DDX60L: variants seen among roughly 807,000 people sequenced by gnomAD.
The protein encoded by DDX60L is DExD/H-box 60 like.
Under a neutral mutation model 211.6 loss-of-function variants are expected in DDX60L, and 191 were observed. The ratio of observed to expected loss-of-function variants is 0.90; its 90% CI spans 0.80 to 1.02. The LOEUF (loss-of-function observed/expected upper bound fraction) is 1.02. Ranked by LOEUF, DDX60L falls within the 50% of genes least tolerant of loss-of-function variation. DDX60L has a pLI of 0.00. For missense variants in DDX60L, 2,007 were observed against 1,984.1 expected, an observed-to-expected ratio of 1.01 and a Z score of -0.22; for synonymous variants, 706 against 694.1, an observed-to-expected ratio of 1.02 and a Z score of -0.27.
chr4:168,364,215 A>T (rs1277399667), intron 36 of DDX60L, among the ~76,000 whole-genome samples: 1 of 152,236 alleles, frequency 6.6e-6, no homozygotes, highest in Admixed American at 6.5e-5. Context: ...AGGAAGGGAC[A>T]AAGATATCCC....
chr4:168,471,706 G>T, intron 4 of DDX60L, 41 bp downstream of exon 4: 2 of 1,480,066 alleles, frequency 1.4e-6, no homozygotes, highest in Non-Finnish European at 1.8e-6. Context: ...TTCAGTTATA[G>T]TCTTCAAAGG....
chr4:168,423,984 A>C (rs907120795), intron 14 of DDX60L, among the ~76,000 whole-genome samples: 3 of 152,244 alleles, frequency 2.0e-5, no homozygotes, highest in African/African-American at 7.2e-5. Flanking sequence ...TATCATCTTA[A>C]GTAACTTAGA....
intron 26 of DDX60L, among the ~76,000 whole-genome samples, chr4:168,396,459 C>G (rs577211165): frequency 6.6e-6 from 1 of 152,008 alleles, no homozygotes; most frequent in Non-Finnish European, 1.5e-5. Flanking sequence ...GCAAAGGGGG[C>G]GGGGTGTGTG....
At chr4:168,377,157 G>T (rs1237391645) in intron 33 of DDX60L, among the ~76,000 whole-genome samples, 1 of 152,038 alleles carries the variant, frequency 6.6e-6, no homozygotes, top group Non-Finnish European at 1.5e-5. Flanking sequence ...GCCAAGCGTG[G>T]TGGCGAAGCC....
At chr4:168,457,857 C>T in intron 6 of DDX60L, 35 bp downstream of exon 6, 2 of 1,348,786 alleles carry the variant, frequency 1.5e-6, no homozygotes, top group Non-Finnish European at 2.0e-6. Flanking sequence ...CAAATTCTAT[C>T]AAACTTTTAT....
rs1457835748 is a variant in DDX60L at position 168,420,256 on chromosome 4, C to G, written c.2514+5G>C. 3 of 1,576,774 alleles carry G rather than the reference C, an allele frequency of 1.9e-6. No homozygotes were observed. Among genetic ancestry groups the G allele is most frequent in the African/African-American group, 2.7e-5 (2 of 72,898 alleles). ...ATAATAAACTCATTAATTAATATGT[C>G]ATACCTGACAGTTTAGTACATTGTG... On this transcript the variant is annotated splice_donor_5th_base_variant and intron_variant, in intron 18 of 37. Coordinates refer to ENST00000682922, the MANE Select transcript of DDX60L (RefSeq NM_001012967.3).
chr4:168,441,473 T>C lies in DDX60L; in HGVS notation c.1158A>G (p.Gly386=), dbSNP rs1396309454. 1 of 1,599,914 alleles carries C rather than the reference T, an allele frequency of 6.3e-7. No individual in the cohort carries two copies. The highest frequency in any genetic ancestry group is 1.8e-5 in the Admixed American group (1 of 56,614). ...CTTCATAATCCCTCCTAATGGAATC[T>C]CCCAAATTCAAATGTGGTTCTGCAT... ...ESTQEPHLNL[G]DSIRRDYEDL... The change falls in exon 10 of 38, where the codon GGA becomes GGG. Residue 386 remains glycine, a synonymous_variant. Transcript: ENST00000682922.
chr4:168,397,816 G>T (rs1001219974), intron 26 of DDX60L, among the ~76,000 whole-genome samples: 1 of 152,188 alleles, frequency 6.6e-6, no homozygotes, highest in South Asian at 2.1e-4. Context: ...AGCAGAAGCT[G>T]GGAACAGGTG....
At position 168,390,970 on chromosome 4, in the gene DDX60L, T is replaced by A. The variant is rs1017169879; in HGVS notation, c.3915+570A>T. ...ACTAAAATGATAACAAAAACCTTTT[T>A]AAAAAAAAAGCATACTCCCAAGAAG... On this transcript the variant is annotated intron_variant, in intron 29 of 37. Coordinates refer to ENST00000682922, the MANE Select transcript of DDX60L (RefSeq NM_001012967.3). Among the ~76,000 whole-genome samples the A allele has an allele frequency of 2.0e-3, 309 of 150,954 alleles. 2 individuals are homozygous for A. The highest frequency in any genetic ancestry group is 7.2e-3 in the African/African-American group (296 of 41,130).
At position 168,415,768 on chromosome 4, in the gene DDX60L, G is replaced by T. The variant is rs970544602; in HGVS notation, c.2758C>A (p.Gln920Lys). The T allele has an allele frequency of 1.9e-6, 3 of 1,581,446 alleles. No homozygotes were observed. The East Asian group carries it at 6.9e-5, about 37-fold the overall frequency. Residue 920 changes from glutamine to lysine, a missense_variant, in exon 21 of 38, where the codon CAG becomes AAG. By Grantham distance (53) the Gln-to-Lys change is moderately conservative. Coordinates refer to ENST00000682922, the MANE Select transcript of DDX60L (RefSeq NM_001012967.3). ...WLQSVKQYWKQADKIMEEKCI... is the reference protein window; with the variant it reads ...WLQSVKQYWKKADKIMEEKCI... ...TTCTCTTCCATAATCTTGTCTGCCT[G>T]TTTCCAGTACTGTTTTACTGATTGC...
At chr4:168,426,416 T>C (rs148018000) in intron 14 of DDX60L, among the ~76,000 whole-genome samples, 2,110 of 149,912 alleles carry the variant, frequency 0.014, 26 homozygotes, top group Middle Eastern at 0.027. Flanking sequence ...ACAAAGTAGG[T>C]TGATGTCACA....
Position 168,456,133 on chromosome 4 carries a change from A to G in DDX60L, c.743T>C (p.Leu248Pro). The G allele has an allele frequency of 6.3e-7, 1 of 1,580,772 alleles. No individual in the cohort carries two copies. The highest frequency in any genetic ancestry group is 8.6e-7 in the Non-Finnish European group (1 of 1,167,058). Residue 248 changes from leucine (L) to proline (P), a missense_variant, in exon 7 of 38, where the codon CTG becomes CCG. Physicochemically the swap from Leu to Pro is moderately conservative, Grantham distance 98. Transcript: ENST00000682922. ...TCCTTCTGACCATAGGTGCTGAAGC[A>G]GAAATAGAGTCTGATACGCCTATCA... The part of the protein sequence containing the change: ...MMEEAYQTLF[L>P]LQHLWSEGSD...
chr4:168,457,719 G>C (rs531064417), intron 6 of DDX60L, among the ~76,000 whole-genome samples, 173 bp downstream of exon 6: 1 of 152,094 alleles, frequency 6.6e-6, no homozygotes, highest in Non-Finnish European at 1.5e-5. Flanking sequence ...TATGCCATCC[G>C]ATGAATTCAA....
rs146220314 is a variant in DDX60L, at chr4:168,365,492, A to T, written c.4929-4281T>A. ...AAGAAGAAATAGAAAATCTAAACAG[A>T]GCAGTAATGAGAGAAGAAATTGAAC... On this transcript the variant is annotated intron_variant, in intron 36 of 37. Coordinates refer to ENST00000682922, the MANE Select transcript of DDX60L (RefSeq NM_001012967.3). 3.9e-3 allele frequency among the ~76,000 whole-genome samples: 591 copies of T among 151,940 alleles called. 2 individuals carry two copies. The highest frequency in any genetic ancestry group is 0.01 in the African/African-American group (424 of 41,502).
intron 36 of DDX60L, among the ~76,000 whole-genome samples, chr4:168,361,655 C>T (rs978883910): frequency 3.3e-5 from 5 of 152,168 alleles, no homozygotes; most frequent in Non-Finnish European, 5.9e-5. Flanking sequence ...ATGCAAGATG[C>T]CTCTGCCACA....
At chr4:168,410,570 A>G (rs1748506178) in intron 22 of DDX60L, among the ~76,000 whole-genome samples, 1 of 152,232 alleles carries the variant, frequency 6.6e-6, no homozygotes, top group African/African-American at 2.4e-5. Flanking sequence ...TTTTGGATAT[A>G]AAGTAATAAA....
intron 27 of DDX60L, chr4:168,395,592 T>C (rs1448337110): frequency 6.1e-6 from 1 of 164,770 alleles, no homozygotes; most frequent in African/African-American, 2.4e-5. Flanking sequence ...GAATGTTATA[T>C]AGGTCTCTGA....
Position 168,379,365 on chromosome 4 carries a change from T to C in DDX60L, c.4361A>G (p.Lys1454Arg). The C allele has an allele frequency of 1.3e-6, 2 of 1,564,592 alleles. No homozygotes were observed. Among genetic ancestry groups the C allele is most frequent in the East Asian group, 2.3e-5 (1 of 43,502 alleles). ...ACAGGTATAAAACCCAAGCTTACCT[T>C]TCCAGGCTGGCTTACAGAGATTATG... is the stretch of plus-strand genomic sequence containing the variant. ...LFHNLCKPAWKGSQQFSQDVM... is the reference protein window; with the variant it reads ...LFHNLCKPAWRGSQQFSQDVM... The change falls in exon 32 of 38, where the codon AAA becomes AGA. Residue 1454 changes from lysine (K) to arginine (R), a missense_variant and splice_region_variant. Transcript: ENST00000682922.
intron 4 of DDX60L, among the ~76,000 whole-genome samples, chr4:168,463,692 A>G (rs1350294662): frequency 1.3e-5 from 2 of 152,182 alleles, no homozygotes; most frequent in African/African-American, 4.8e-5. Flanking sequence ...CAATCAAAAC[A>G]CTGCTTTCAC....
Sources: gnomAD v4.1 joint callset for allele counts (sites outside exome capture counted in the v4.1 genomes callset) on GRCh38, gnomAD v4.1.1 for gene constraint, MANE v1.5 for transcripts, NCBI Gene and HGNC (gene_info 2026-07-23, HGNC 2026-07-21) for gene names.